Variants in LIN7A observed in about 807,000 individuals in gnomAD.
The protein encoded by LIN7A is protein lin-7 homolog A.
LIN7A carries 25 observed loss-of-function variants against 29.8 expected under a neutral mutation model. The observed-to-expected ratio is 0.84, with a 90% CI of 0.61 to 1.17. LIN7A has a LOEUF of 1.17. Among genes scored for constraint, LIN7A ranks in the 50% most tolerant of loss-of-function variants. The pLI, the probability that LIN7A is intolerant of heterozygous loss-of-function variation, is 0.00. For missense variants in LIN7A, 239 were observed against 287.0 expected (o/e 0.83, Z 1.21); for synonymous variants, 118 against 107.5 (o/e 1.10, Z -0.60).
intron 4 of LIN7A, among the ~76,000 whole-genome samples, chr12:80,841,191 C>A (rs1237594417): frequency 1.3e-5 from 2 of 151,796 alleles, no homozygotes; most frequent in African/African-American, 4.8e-5. Flanking sequence ...ATGGAATGAG[C>A]ACAATAGGGT....
At chr12:80,851,769 G>GC (rs59930348) in intron 2 of LIN7A, among the ~76,000 whole-genome samples, 117,930 of 151,972 alleles carry the variant, frequency 0.78, 46,731 homozygotes, top group East Asian at 0.97. Flanking sequence ...GCATTTGTAA[G>GC]ACATTTCATT....
chr12:80,851,704 C>T (rs1301702378), intron 2 of LIN7A, among the ~76,000 whole-genome samples: 3 of 152,076 alleles, frequency 2.0e-5, no homozygotes, highest in Non-Finnish European at 4.4e-5. Context: ...ATACGTGGGG[C>T]TTATAGACTC....
At chr12:80,881,176 G>T (rs1238751850) in intron 2 of LIN7A, among the ~76,000 whole-genome samples, 1 of 151,928 alleles carries the variant, frequency 6.6e-6, no homozygotes, top group African/African-American at 2.4e-5. Context: ...AATCTATATT[G>T]TGTGATTTAT....
At chr12:80,827,708 C>T (rs1872145818) in intron 4 of LIN7A, among the ~76,000 whole-genome samples, 1 of 152,118 alleles carries the variant, frequency 6.6e-6, no homozygotes, top group Admixed American at 6.5e-5. Flanking sequence ...TGTAGAATGT[C>T]CTTCCTCCAC....
At chr12:80,921,523 T>C (rs1877303924) in intron 1 of LIN7A, among the ~76,000 whole-genome samples, 1 of 138,678 alleles carries the variant, frequency 7.2e-6, no homozygotes, top group East Asian at 2.2e-4. Flanking sequence ...AAGTCAGAAG[T>C]GAGAGGGAGA....
intron 4 of LIN7A, among the ~76,000 whole-genome samples, chr12:80,816,224 G>A (rs1479593909): frequency 6.6e-6 from 1 of 152,080 alleles, no homozygotes; most frequent in South Asian, 2.1e-4. Flanking sequence ...GAGCAACATG[G>A]CAAGACCCCA....
At chr12:80,832,851 A>G (rs1303859522) in intron 4 of LIN7A, among the ~76,000 whole-genome samples, 1 of 152,126 alleles carries the variant, frequency 6.6e-6, no homozygotes, top group Non-Finnish European at 1.5e-5. Flanking sequence ...GTGATTCTCA[A>G]CCAAGGATGA....
chr12:80,922,329 C>T (rs944952241), intron 1 of LIN7A, among the ~76,000 whole-genome samples: 30 of 152,204 alleles, frequency 2.0e-4, no homozygotes, highest in African/African-American at 7.0e-4. Context: ...TCAAGATTCT[C>T]TCTTCATGAC....
intron 2 of LIN7A, among the ~76,000 whole-genome samples, chr12:80,868,367 G>A (rs1187191337): frequency 3.9e-5 from 6 of 152,148 alleles, no homozygotes; most frequent in East Asian, 1.9e-4. Context: ...TGGGGAGTTC[G>A]AGACCAGCCT....
chr12:80,812,731 A>G (rs1245168591), intron 4 of LIN7A, among the ~76,000 whole-genome samples: 1 of 150,986 alleles, frequency 6.6e-6, no homozygotes, highest in East Asian at 2.0e-4. Flanking sequence ...TTATATTTTT[A>G]GTAGAGATGG....
intron 1 of LIN7A, among the ~76,000 whole-genome samples, chr12:80,902,014 T>G (rs1055047484): frequency 6.6e-6 from 1 of 151,958 alleles, no homozygotes; most frequent in Non-Finnish European, 1.5e-5. Context: ...AAAAGATTAT[T>G]TATAGTTAAT....
At chr12:80,812,743 G>A (rs1047446416) in intron 4 of LIN7A, among the ~76,000 whole-genome samples, 8 of 151,756 alleles carry the variant, frequency 5.3e-5, no homozygotes, top group South Asian at 4.2e-4. Context: ...TAGAGATGGC[G>A]TTTCACTATG....
intron 3 of LIN7A, among the ~76,000 whole-genome samples, chr12:80,847,355 T>C (rs941294114): frequency 3.3e-5 from 5 of 152,092 alleles, no homozygotes; most frequent in African/African-American, 9.7e-5. Flanking sequence ...CCTCTTTTTT[T>C]CCCTGAGTTT....
Position 80,937,830 on chromosome 12 carries a change from G to A in LIN7A, c.-108C>T. Reference sequence around the variant, plus strand: ...GGAAGGAAGGAAGGTGGTGGTGGTGGAGAAGAAAGCTTGGGTGGGTTGGTA... The same window carrying A: ...GGAAGGAAGGAAGGTGGTGGTGGTGAAGAAGAAAGCTTGGGTGGGTTGGTA... On this transcript the variant is annotated 5_prime_UTR_variant, in exon 1 of 6. Transcript: ENST00000552864. 3 of 834,936 alleles carry A rather than the reference G, an allele frequency of 3.6e-6. No individual in the cohort carries two copies. The highest frequency in any genetic ancestry group is 3.6e-5 in the Admixed American group (1 of 28,076). 51.7% of individuals were successfully genotyped at this position (834,936 alleles called of 1,614,324 possible).
At chr12:80,827,577 C>T (rs1188735372) in intron 4 of LIN7A, among the ~76,000 whole-genome samples, 1 of 152,146 alleles carries the variant, frequency 6.6e-6, no homozygotes, top group East Asian at 1.9e-4. Context: ...AAGCACTTCC[C>T]ATGTACAGGC....
At chr12:80,878,249 T>C (rs116807634) in intron 2 of LIN7A, among the ~76,000 whole-genome samples, 2 of 152,300 alleles carry the variant, frequency 1.3e-5, no homozygotes, top group East Asian at 1.9e-4. Flanking sequence ...AAGTGACAAG[T>C]TGATGTTACA....
chr12:80,909,033 A>C (rs1316795373), intron 1 of LIN7A, among the ~76,000 whole-genome samples: 1 of 152,046 alleles, frequency 6.6e-6, no homozygotes, highest in Non-Finnish European at 1.5e-5. Context: ...TAACCTAGGC[A>C]GTTTTGGACT....
chr12:80,928,765 G>T (rs1877736856), intron 1 of LIN7A, among the ~76,000 whole-genome samples: 1 of 152,058 alleles, frequency 6.6e-6, no homozygotes, highest in African/African-American at 2.4e-5. Flanking sequence ...TGAAGTCTTT[G>T]CCCATGCCTA....
At chr12:80,902,669 T>A (rs539295297) in intron 1 of LIN7A, among the ~76,000 whole-genome samples, 11 of 152,214 alleles carry the variant, frequency 7.2e-5, no homozygotes, top group African/African-American at 2.2e-4. Context: ...GTCTGGACAT[T>A]GTTGGTGTAT....
Sources: allele counts gnomAD v4.1 joint callset (sites outside exome capture counted in the v4.1 genomes callset), GRCh38; gene constraint gnomAD v4.1.1; transcripts MANE v1.5; gene names NCBI Gene and HGNC (gene_info 2026-07-23, HGNC 2026-07-21).